Variants in CCNB1IP1 observed in about 807,000 individuals in gnomAD.
CCNB1IP1 encodes cyclin B1 interacting protein 1.
A neutral mutation model predicts 25.6 loss-of-function variants in CCNB1IP1; 14 were observed. The observed-to-expected ratio is 0.55, with a 90% CI of 0.36 to 0.85. The LOEUF is 0.85. Among genes scored for constraint, CCNB1IP1 ranks in the 40% least tolerant of loss-of-function variants. The pLI is 0.01. For missense variants in CCNB1IP1, 278 were observed against 342.4 expected (o/e 0.81, Z 1.48); for synonymous variants, 119 against 116.1 (o/e 1.02, Z -0.16).
In CCNB1IP1 at chr14:20,316,248, C is replaced by T. The variant is rs117093816; in HGVS notation, c.276G>A (p.Ala92=). The change falls in exon 5 of 7, where the codon GCG becomes GCA. Residue 92 remains alanine, a synonymous_variant. Coordinates refer to ENST00000358932, the MANE Select transcript of CCNB1IP1 (RefSeq NM_021178.5). ...TAACCTGATATGTCCAGAAGGCCAG[C>T]GCTCGGGAGCTAATGTCCAACACGA... The part of the protein sequence containing the change: ...PEIVLDISSR[A]LAFWTYQVHQ... The T allele has an allele frequency of 1.9e-6, 3 of 1,613,754 alleles. No homozygotes were observed. Among genetic ancestry groups the T allele is most frequent in the South Asian group, 1.1e-5 (1 of 91,068 alleles).
intron 1 of CCNB1IP1, among the ~76,000 whole-genome samples, chr14:20,331,179 A>G (rs980998653): frequency 5.3e-5 from 8 of 152,144 alleles, no homozygotes; most frequent in African/African-American, 1.9e-4. Flanking sequence ...CCTCAACACC[A>G]TGAGTTCAGG....
rs1194170311 is a variant in CCNB1IP1, at chr14:20,313,516, G to C, written c.583C>G (p.Leu195Val). 12 of 1,613,546 alleles carry C rather than the reference G, an allele frequency of 7.4e-6. No individual in the cohort carries two copies. Among genetic ancestry groups the C allele is most frequent in the Non-Finnish European group, 1.0e-5 (12 of 1,179,734 alleles). The change falls in exon 6 of 7, where the codon CTT becomes GTT. Residue 195 changes from leucine (L) to valine (V), a missense_variant. Coordinates refer to ENST00000358932, the MANE Select transcript of CCNB1IP1 (RefSeq NM_021178.5). Reference sequence around the variant, plus strand: ...GACTGTGCAATCATGGATGGTTCAAGGGTGCCTTCATGGTTAGCAATAGTG... The same window carrying C: ...GACTGTGCAATCATGGATGGTTCAACGGTGCCTTCATGGTTAGCAATAGTG... ...NITIANHEGT[L>V]EPSMIAQSGV...
In CCNB1IP1 at chr14:20,326,722, C is replaced by T. The variant is rs577788024; in HGVS notation, c.-159G>A. ...ATTTTGCTCTTACTCTTACCTCTGG[C>T]ATCACATGAATCCAGCTTCTATCTA... On this transcript the variant is annotated 5_prime_UTR_variant, in exon 3 of 7. The change abolishes an upstream ATG in the 5' untranslated region. Coordinates refer to ENST00000358932, the MANE Select transcript of CCNB1IP1 (RefSeq NM_021178.5). 6.5e-6 allele frequency: 2 copies of T among 309,086 alleles called. No homozygotes were observed. Among genetic ancestry groups the T allele is most frequent in the South Asian group, 5.2e-5 (2 of 38,712 alleles). The allele number at this position is 309,086 out of a possible 1,614,324, so 19.1% of individuals were successfully genotyped here. A position where few individuals can be genotyped will look rare whatever the true frequency, so the allele number is the denominator to read the frequency against.
chr14:20,325,292 G>C (rs981787313), intron 4 of CCNB1IP1, among the ~76,000 whole-genome samples: 3 of 151,218 alleles, frequency 2.0e-5, no homozygotes, highest in African/African-American at 7.3e-5. Context: ...GTAGTGGCGG[G>C]CAACTGTAGT....
intron 2 of CCNB1IP1, among the ~76,000 whole-genome samples, chr14:20,328,217 A>G (rs1883134938): frequency 6.6e-6 from 1 of 152,222 alleles, no homozygotes; most frequent in Non-Finnish European, 1.5e-5. Context: ...CTAACTAGTA[A>G]GAGCTAGGAT....
At position 20,321,529 on chromosome 14, in the gene CCNB1IP1, C is replaced by T. The variant is rs895722970; in HGVS notation, c.-38+4010G>A. ...GTGCAGTGGCACGATCTCAGCTCAC[C>T]GCAACCTCCGCCTCCCGGGTTCAAG... On this transcript the variant is annotated intron_variant, in intron 4 of 6. Transcript: ENST00000358932. Among the ~76,000 whole-genome samples, 4 of 152,028 alleles carry T rather than the reference C, an allele frequency of 2.6e-5. No individual in the cohort carries two copies. In the South Asian group the frequency reaches 6.2e-4, roughly 24 times the overall value.
At position 20,327,110 on chromosome 14, in the gene CCNB1IP1, A is replaced by C. The variant is rs1043229948; in HGVS notation, c.-230-317T>G. On this transcript the variant is annotated intron_variant, in intron 2 of 6. Transcript: ENST00000358932. ...AAAAAAAATTTAACAACAACAACAA[A>C]AAAAAACCGAGCAGGACCCCTACAC... Among the ~76,000 whole-genome samples the C allele has an allele frequency of 3.3e-5, 5 of 152,058 alleles. 1 individual carries two copies. Among genetic ancestry groups the C allele is most frequent in the East Asian group, 3.9e-4 (2 of 5,188 alleles).
chr14:20,328,389 T>C (rs956513830), intron 2 of CCNB1IP1, among the ~76,000 whole-genome samples: 3 of 152,222 alleles, frequency 2.0e-5, no homozygotes, highest in Admixed American at 6.5e-5. Flanking sequence ...CAGACAGATA[T>C]GATCAAAATG....
chr14:20,331,902 TGGATGGCTTAGGGAAGG>T (rs1224977026), intron 1 of CCNB1IP1, among the ~76,000 whole-genome samples: 1 of 137,574 alleles, frequency 7.3e-6, no homozygotes, highest in Non-Finnish European at 1.6e-5. Context: ...GGAGAGGAAT[TGGATGGCTTAGGGAAGG>T]GGATAAGAAA....
rs1298817522 is a variant in CCNB1IP1 at position 20,316,467 on chromosome 14, G to A, written c.57C>T (p.Leu19=). 1 of 1,613,376 alleles carries A rather than the reference G, an allele frequency of 6.2e-7. No homozygotes were observed. The highest frequency in any genetic ancestry group is 2.2e-5 in the East Asian group (1 of 44,884). The change falls in exon 5 of 7, where the codon CTC becomes CTT. Residue 19 remains leucine, a synonymous_variant. Coordinates refer to ENST00000358932, the MANE Select transcript of CCNB1IP1 (RefSeq NM_021178.5). ...LCNYRKCRIK[L]SGYAWVTACS... is the part of the protein sequence containing the mutation. Reference sequence around the variant, plus strand: ...AGGCAGTGACCCATGCATAGCCAGAGAGTTTGATGCGACACTTTCGATAAT... The same window carrying A: ...AGGCAGTGACCCATGCATAGCCAGAAAGTTTGATGCGACACTTTCGATAAT...
chr14:20,313,904 A>T, intron 5 of CCNB1IP1, 103 bp from the exon 6 acceptor site: 1 of 817,694 alleles, frequency 1.2e-6, no homozygotes, highest in East Asian at 2.7e-5. Flanking sequence ...TTATATAGGG[A>T]TGTTATTTTA....
intron 6 of CCNB1IP1, among the ~76,000 whole-genome samples, chr14:20,312,439 C>G (rs1594272948): frequency 6.6e-6 from 1 of 151,490 alleles, no homozygotes; most frequent in East Asian, 1.9e-4. Context: ...TGGTCTCAAA[C>G]TCCTGGGCTC....
At chr14:20,321,678 C>G (rs1381014029) in intron 4 of CCNB1IP1, among the ~76,000 whole-genome samples, 1 of 152,060 alleles carries the variant, frequency 6.6e-6, no homozygotes, top group Non-Finnish European at 1.5e-5. Flanking sequence ...GTCTTGAACT[C>G]CTAGACCTCG....
Position 20,311,623 on chromosome 14 carries a change from C to G in CCNB1IP1, c.761G>C (p.Ser254Thr), listed in dbSNP as rs1305599146. ...TAPEPSNSFF[S>T]FVSPSRELEQ... Reference sequence around the variant, plus strand: ...TAATTCACGACTTGGAGAGACAAAACTAAAAAAGCTGTTGCTGGGTTCAGG... The same window carrying G: ...TAATTCACGACTTGGAGAGACAAAAGTAAAAAAGCTGTTGCTGGGTTCAGG... The change falls in exon 7 of 7, where the codon AGT (serine) becomes ACT (threonine). Residue 254 changes from serine to threonine, a missense_variant. By Grantham distance (58) the Ser-to-Thr change is moderately conservative (BLOSUM62 1). Transcript: ENST00000358932. The G allele has an allele frequency of 1.9e-6, 3 of 1,613,892 alleles. No individual in the cohort carries two copies. The highest frequency in any genetic ancestry group is 1.7e-6 in the Non-Finnish European group (2 of 1,180,010).
chr14:20,319,044 T>C (rs1366198684), intron 4 of CCNB1IP1: 1 of 152,304 alleles, frequency 6.6e-6, no homozygotes, highest in Admixed American at 6.5e-5. Flanking sequence ...ATTACAGGCG[T>C]GCGCCACCAT....
chr14:20,315,848 A>T (rs1489818115), intron 5 of CCNB1IP1: 1 of 873,938 alleles, frequency 1.1e-6, no homozygotes. Flanking sequence ...GTTAGAGACT[A>T]GCCTGGGCAA....
At chr14:20,332,963 G>C (rs1420027274) in intron 1 of CCNB1IP1, 1 of 152,126 alleles carries the variant, frequency 6.6e-6, no homozygotes, top group Non-Finnish European at 1.5e-5. Flanking sequence ...AAATGAAGCC[G>C]GCGTTTTCCA....
intron 1 of CCNB1IP1, 100 bp downstream of exon 1, chr14:20,333,154 T>A (rs1883303417): frequency 6.6e-6 from 1 of 151,946 alleles, no homozygotes; most frequent in South Asian, 2.1e-4. Context: ...TCACACACAC[T>A]CCTATGCCGA....
At chr14:20,320,310 C>T (rs1882849488) in intron 4 of CCNB1IP1, 1 of 455,816 alleles carries the variant, frequency 2.2e-6, no homozygotes, top group Admixed American at 2.4e-5. Context: ...GAAGGCCAGG[C>T]CAGAGTGACC....
Sources: gnomAD v4.1 joint callset for allele counts (sites outside exome capture counted in the v4.1 genomes callset) on GRCh38, gnomAD v4.1.1 for gene constraint, MANE v1.5 for transcripts, NCBI Gene and HGNC (gene_info 2026-07-23, HGNC 2026-07-21) for gene names.